SYT1: variants seen among roughly 807,000 people sequenced by gnomAD.
The protein encoded by SYT1 is synaptotagmin 1, also known as synaptotagmin-1.
Under a neutral mutation model 44.8 loss-of-function variants are expected in SYT1, and 8 were observed. The ratio of observed to expected loss-of-function variants is 0.18; its 90% confidence interval spans 0.10 to 0.32. SYT1 has a LOEUF of 0.32. SYT1 is among the 10% of genes least tolerant of loss of function. The probability of loss-of-function intolerance (pLI) is 1.00; values close to 1 mark genes in which losing one functional copy is unlikely to be tolerated. For missense variants in SYT1, 286 were observed against 509.3 expected, an observed-to-expected ratio of 0.56 and a Z score of 4.22; for synonymous variants, 154 against 188.8, an observed-to-expected ratio of 0.82 and a Z score of 1.51.
intron 3 of SYT1, among the ~76,000 whole-genome samples, chr12:79,089,875 T>C (rs1006909860): frequency 2.0e-5 from 3 of 152,108 alleles, no homozygotes; most frequent in African/African-American, 4.8e-5. Context: ...TTCATTTATC[T>C]GTACCCTAAT....
At chr12:78,958,034 T>G (rs1879299203) in intron 1 of SYT1, among the ~76,000 whole-genome samples, 1 of 152,172 alleles carries the variant, frequency 6.6e-6, no homozygotes. Flanking sequence ...CCTGTTATAA[T>G]TCTGTTCAAA....
intron 3 of SYT1, among the ~76,000 whole-genome samples, chr12:79,208,250 G>A (rs139024552): frequency 1.3e-5 from 2 of 152,072 alleles, no homozygotes; most frequent in Non-Finnish European, 2.9e-5. Flanking sequence ...CATTGTGGGG[G>A]CATATTTGAG....
At chr12:78,900,953 T>A (rs1875628454) in intron 1 of SYT1, among the ~76,000 whole-genome samples, 1 of 152,144 alleles carries the variant, frequency 6.6e-6, no homozygotes, top group African/African-American at 2.4e-5. Flanking sequence ...ACATAGTATT[T>A]TCCTTTTTAT....
rs558841552 is a variant in SYT1 at position 79,028,142 on chromosome 12, G to A, written c.-83-19155G>A. ...TTTGTCATCTCAAAGGTATTTCTAT[G>A]GTGAATGTGTTCAAAAACCAGAAAA... On this transcript the variant is annotated intron_variant, in intron 2 of 10. Transcript: ENST00000261205. 2.6e-5 allele frequency among the ~76,000 whole-genome samples: 4 copies of A among 151,476 alleles called. No individual in the cohort carries two copies. The East Asian group carries it at 7.8e-4, about 30-fold the overall frequency.
At chr12:79,293,385 TAA>T (rs1207504460) in intron 6 of SYT1, among the ~76,000 whole-genome samples, 3 of 79,124 alleles carry the variant, frequency 3.8e-5, no homozygotes, top group Admixed American at 1.2e-4. Flanking sequence ...TAAAATAAAA[TAA>T]AATAAAATAA....
intron 1 of SYT1, chr12:78,926,727 A>T (rs1276860329): frequency 6.6e-6 from 1 of 152,114 alleles, no homozygotes; most frequent in Non-Finnish European, 1.5e-5. Flanking sequence ...CCATGTAAGT[A>T]TCACCAGCAT....
At chr12:79,206,934 C>T (rs1233805496) in intron 3 of SYT1, among the ~76,000 whole-genome samples, 1 of 152,074 alleles carries the variant, frequency 6.6e-6, no homozygotes, top group Non-Finnish European at 1.5e-5. Flanking sequence ...AGATGTGAGC[C>T]CTGGGATCAG....
intron 9 of SYT1, among the ~76,000 whole-genome samples, chr12:79,424,834 GT>G (rs1187267616): frequency 7.4e-5 from 10 of 135,768 alleles, no homozygotes; most frequent in South Asian, 4.7e-4. Flanking sequence ...CTAGTGTTTT[GT>G]TTTTTTTTTA....
intron 8 of SYT1, among the ~76,000 whole-genome samples, chr12:79,317,945 G>A (rs1375311488): frequency 6.6e-6 from 1 of 152,220 alleles, no homozygotes; most frequent in Non-Finnish European, 1.5e-5. Context: ...TGTCAGCAAG[G>A]GTTGTAAAAT....
chr12:78,905,362 C>A (rs1367127627), intron 1 of SYT1, among the ~76,000 whole-genome samples: 3 of 152,028 alleles, frequency 2.0e-5, no homozygotes, highest in Non-Finnish European at 4.4e-5. Flanking sequence ...AAGAATCCAC[C>A]AATTTCATGG....
chr12:79,229,141 C>T (rs187174508), intron 4 of SYT1, among the ~76,000 whole-genome samples: 1 of 152,238 alleles, frequency 6.6e-6, no homozygotes, highest in African/African-American at 2.4e-5. Context: ...GATCTCTTCT[C>T]GGCACTGTGT....
intron 5 of SYT1, among the ~76,000 whole-genome samples, chr12:79,289,134 T>C (rs1879451787): frequency 1.3e-5 from 2 of 152,238 alleles, no homozygotes; most frequent in African/African-American, 4.8e-5. Flanking sequence ...TAACTGAGAA[T>C]GAACAAATGC....
At chr12:79,224,740 TTTATTTATTTTTTATTA>T (rs1341329642) in intron 4 of SYT1, among the ~76,000 whole-genome samples, 2 of 56,476 alleles carry the variant, frequency 3.5e-5, no homozygotes, top group Non-Finnish European at 6.3e-5. Flanking sequence ...TCATTTTTTA[TTTATTTATTTTTTATTA>T]TTATTATTAT....
rs1555183717 is a variant in SYT1 at position 78,949,475 on chromosome 12, A to AT, written c.-216-28322dup. 4.7e-3 allele frequency among the ~76,000 whole-genome samples: 666 copies of AT among 140,648 alleles called. 5 individuals are homozygous for AT. The highest frequency in any genetic ancestry group is 0.015 in the African/African-American group (580 of 38,666). 92.3% of individuals were successfully genotyped at this position (140,648 alleles called of 152,430 possible). A position where few individuals can be genotyped will look rare whatever the true frequency, so the allele number is the denominator to read the frequency against. On this transcript the variant is annotated intron_variant, in intron 1 of 10. Coordinates refer to ENST00000261205, the MANE Select transcript of SYT1 (RefSeq NM_005639.3). ...GAGTTCTCACAAGACAATATAGCTC[A>AT]TTAAAAAAAAAAAAACCTTAAATAA... is the stretch of plus-strand genomic sequence containing the variant.
At chr12:79,255,624 G>A (rs1347642230) in intron 4 of SYT1, among the ~76,000 whole-genome samples, 2 of 152,148 alleles carry the variant, frequency 1.3e-5, no homozygotes, top group Non-Finnish European at 2.9e-5. Context: ...CATAATACCA[G>A]AACAATTCAG....
chr12:79,117,373 C>T (rs1879331988), intron 3 of SYT1, among the ~76,000 whole-genome samples: 1 of 151,762 alleles, frequency 6.6e-6, no homozygotes, highest in South Asian at 2.1e-4. Context: ...CTGTTCTGTA[C>T]ATTCCCTCAG....
chr12:79,118,261 A>G (rs1279913033), intron 3 of SYT1, among the ~76,000 whole-genome samples: 1 of 152,196 alleles, frequency 6.6e-6, no homozygotes, highest in Non-Finnish European at 1.5e-5. Context: ...TTGGTTATGT[A>G]TTGAACTCCA....
In SYT1 at chr12:79,269,932, T is replaced by A. The variant is rs545305089; in HGVS notation, c.167-15855T>A. Among the ~76,000 whole-genome samples, 3 of 152,340 alleles carry A rather than the reference T, an allele frequency of 2.0e-5. No homozygotes were observed. The South Asian group carries it at 6.2e-4, about 32-fold the overall frequency. On this transcript the variant is annotated intron_variant, in intron 4 of 10. Coordinates refer to ENST00000261205, the MANE Select transcript of SYT1 (RefSeq NM_005639.3). ...CTCTGATTGATTTAATCTTAAATTA[T>A]GTTCTATGAGACTTTACATACTTTT...
intron 2 of SYT1, among the ~76,000 whole-genome samples, chr12:79,040,594 G>T (rs1873483062): frequency 6.6e-6 from 1 of 151,892 alleles, no homozygotes; most frequent in Non-Finnish European, 1.5e-5. Flanking sequence ...TCTGATGGTA[G>T]TTTCTTTTGC....
Sources: allele counts gnomAD v4.1 joint callset (sites outside exome capture counted in the v4.1 genomes callset), GRCh38; gene constraint gnomAD v4.1.1; transcripts MANE v1.5; gene names NCBI Gene and HGNC (gene_info 2026-07-23, HGNC 2026-07-21).